PALLD: variants seen among roughly 807,000 people sequenced by gnomAD.
PALLD encodes palladin.
Under a neutral mutation model 123.5 loss-of-function variants are expected in PALLD, and 61 were observed. The observed-to-expected ratio is 0.49, with a 90% CI of 0.40 to 0.61. The LOEUF (loss-of-function observed/expected upper bound fraction) is 0.61, where lower values mean the gene tolerates loss of function less well. PALLD is among the 20% of genes least tolerant of loss of function. PALLD has a pLI of 0.00. For missense variants in PALLD, 1,273 were observed against 1,377.0 expected (o/e 0.92, Z 1.20); for synonymous variants, 465 against 496.4 (o/e 0.94, Z 0.84).
chr4:168,921,043 G>T (rs976892912), intron 17 of PALLD, among the ~76,000 whole-genome samples: 24 of 152,062 alleles, frequency 1.6e-4, no homozygotes, highest in African/African-American at 5.8e-4. Context: ...ATGTAAGCTG[G>T]TGAGTGCTCA....
At position 168,741,873 on chromosome 4, in the gene PALLD, C is replaced by T. The variant is rs534091814; in HGVS notation, c.1964+29950C>T. Among the ~76,000 whole-genome samples the T allele has an allele frequency of 2.5e-4, 38 of 152,182 alleles. No individual in the cohort carries two copies. The South Asian group carries it at 6.0e-3, about 24-fold the overall frequency. On this transcript the variant is annotated intron_variant, in intron 10 of 21. Coordinates refer to ENST00000505667, the MANE Select transcript of PALLD (RefSeq NM_001166108.2). ...GAAACATTTTGGAGAGGTGGGAGAGCGAAGGAACCAGTCTTCATTGACAGC... is the reference window on the plus strand; with the variant it reads ...GAAACATTTTGGAGAGGTGGGAGAGTGAAGGAACCAGTCTTCATTGACAGC...
intron 10 of PALLD, among the ~76,000 whole-genome samples, chr4:168,860,007 A>G (rs1249517787): frequency 6.6e-6 from 1 of 152,212 alleles, no homozygotes; most frequent in African/African-American, 2.4e-5. Context: ...ACACGTCTCA[A>G]TTCTGACTAA....
chr4:168,814,824 G>A (rs999967536), intron 10 of PALLD, among the ~76,000 whole-genome samples: 1 of 152,204 alleles, frequency 6.6e-6, no homozygotes, highest in Non-Finnish European at 1.5e-5. Context: ...AGGCTGTAGT[G>A]CAGTGACGCG....
intron 2 of PALLD, among the ~76,000 whole-genome samples, chr4:168,542,717 CATATAT>C (rs70961531): frequency 7.3e-4 from 65 of 88,904 alleles, no homozygotes; most frequent in African/African-American, 1.3e-3. Context: ...CTAACCTTTC[CATATAT>C]ATATATATAT....
rs114607824 is a variant in PALLD, at chr4:168,582,801, T to A, written c.908+70389T>A. On this transcript the variant is annotated intron_variant, in intron 2 of 21. Transcript: ENST00000505667. ...ACTTGATCCTGATGTATGATCCTTTTAATATGCTATGAATTTGGTTTGCTG... is the reference window on the plus strand; with the variant it reads ...ACTTGATCCTGATGTATGATCCTTTAAATATGCTATGAATTTGGTTTGCTG... Among the ~76,000 whole-genome samples the A allele has an allele frequency of 7.1e-3, 1,080 of 152,328 alleles. 14 individuals are homozygous for A. The highest frequency in any genetic ancestry group is 0.024 in the African/African-American group (1,002 of 41,568).
intron 10 of PALLD, among the ~76,000 whole-genome samples, chr4:168,738,258 A>G (rs1329424545): frequency 2.0e-5 from 3 of 152,034 alleles, no homozygotes; most frequent in Non-Finnish European, 4.4e-5. Context: ...TGGCTTGATC[A>G]TGGATTGGGT....
chr4:168,646,864 T>A (rs530287418), intron 2 of PALLD, among the ~76,000 whole-genome samples: 7 of 152,352 alleles, frequency 4.6e-5, no homozygotes, highest in African/African-American at 1.7e-4. Context: ...TTTATACTTT[T>A]CTGGTAACAA....
In PALLD at chr4:168,927,676, G is replaced by A. The variant is rs1038462024; in HGVS notation, c.*1496G>A. On this transcript the variant is annotated 3_prime_UTR_variant, in exon 22 of 22. Coordinates refer to ENST00000505667, the MANE Select transcript of PALLD (RefSeq NM_001166108.2). ...TGCCATGAAACTTTGCCTTAAGAAG[G>A]TGCTGGATTCCAAGGTTTGTAAAGG... 8.8e-6 allele frequency: 2 copies of A among 226,020 alleles called. No individual in the cohort carries two copies. Among genetic ancestry groups the A allele is most frequent in the Admixed American group, 5.7e-5 (1 of 17,552 alleles). 14.0% of individuals were successfully genotyped at this position (226,020 alleles called of 1,614,324 possible). A position where few individuals can be genotyped will look rare whatever the true frequency, so the allele number is the denominator to read the frequency against.
At chr4:168,600,106 CAT>C (rs200601454) in intron 2 of PALLD, among the ~76,000 whole-genome samples, 34 of 149,526 alleles carry the variant, frequency 2.3e-4, no homozygotes, top group South Asian at 8.3e-4. Context: ...TGTATGCACA[CAT>C]ATATATACAT....
intron 10 of PALLD, among the ~76,000 whole-genome samples, chr4:168,716,712 T>G (rs1333474634): frequency 6.6e-6 from 1 of 152,210 alleles, no homozygotes; most frequent in African/African-American, 2.4e-5. Context: ...GCTAACAAAG[T>G]AAAGTACATC....
At chr4:168,832,101 A>T (rs1351995900) in intron 10 of PALLD, 1 of 985,064 alleles carries the variant, frequency 1.0e-6, no homozygotes, top group East Asian at 1.1e-4. Context: ...CGGTCCGCGG[A>T]GCCCGCTGCA....
intron 10 of PALLD, among the ~76,000 whole-genome samples, chr4:168,739,181 G>C (rs1788078220): frequency 6.6e-6 from 1 of 152,150 alleles, no homozygotes; most frequent in Non-Finnish European, 1.5e-5. Context: ...CCATTGATGA[G>C]CATTTAGGTT....
intron 10 of PALLD, among the ~76,000 whole-genome samples, chr4:168,782,740 C>A (rs1408107964): frequency 6.7e-6 from 1 of 150,234 alleles, no homozygotes; most frequent in African/African-American, 2.5e-5. Flanking sequence ...GAAATCCTGT[C>A]TTTACTAAAA....
intron 9 of PALLD, among the ~76,000 whole-genome samples, chr4:168,709,852 T>A (rs1264789341): frequency 6.6e-6 from 1 of 152,048 alleles, no homozygotes; most frequent in Non-Finnish European, 1.5e-5. Flanking sequence ...TTTAAAATCG[T>A]GCAGTCTTGG....
At position 168,523,692 on chromosome 4, in the gene PALLD, C is replaced by G. The variant is rs558669900; in HGVS notation, c.908+11280C>G. Among the ~76,000 whole-genome samples the G allele has an allele frequency of 2.2e-3, 340 of 152,188 alleles. 1 individual carries two copies. Among genetic ancestry groups the G allele is most frequent in the Non-Finnish European group, 4.2e-3 (283 of 68,002 alleles). On this transcript the variant is annotated intron_variant, in intron 2 of 21. Coordinates refer to ENST00000505667, the MANE Select transcript of PALLD (RefSeq NM_001166108.2). ...ACTCCAGTCCAGGGGCCTTGTTATCCCCTAATGAGGAGGTCTTGAAAGTTA... is the reference window on the plus strand; with the variant it reads ...ACTCCAGTCCAGGGGCCTTGTTATCGCCTAATGAGGAGGTCTTGAAAGTTA...
Position 168,922,098 on chromosome 4 carries a change from T to TAC in PALLD, c.3058+358_3058+359insCA, listed in dbSNP as rs1351389289. On this transcript the variant is annotated intron_variant, in intron 18 of 21. Coordinates refer to ENST00000505667, the MANE Select transcript of PALLD (RefSeq NM_001166108.2). ...AAAGTTTTATATTTATATATATATA[T>TAC]ATATACACACACACACACACACACA... is the stretch of plus-strand genomic sequence containing the variant. Among the ~76,000 whole-genome samples the TAC allele has an allele frequency of 3.5e-3, 378 of 107,622 alleles. 1 individual carries two copies. The highest frequency in any genetic ancestry group is 9.7e-3 in the African/African-American group (309 of 31,956). 70.6% of individuals were successfully genotyped at this position (107,622 alleles called of 152,430 possible).
intron 2 of PALLD, among the ~76,000 whole-genome samples, chr4:168,529,047 A>G (rs992812666): frequency 1.4e-4 from 21 of 152,324 alleles, no homozygotes; most frequent in African/African-American, 4.8e-4. Flanking sequence ...TAGGTGTGCC[A>G]TTAAGAATTA....
intron 2 of PALLD, among the ~76,000 whole-genome samples, chr4:168,577,307 C>T (rs62335497): frequency 0.1 from 15,242 of 152,076 alleles, 919 homozygotes; most frequent in South Asian, 0.18. Flanking sequence ...CTAAGTTAGG[C>T]TTTTCAGTCT....
intron 10 of PALLD, among the ~76,000 whole-genome samples, chr4:168,848,256 C>A (rs1439848200): frequency 4.0e-5 from 6 of 151,630 alleles, no homozygotes; most frequent in African/African-American, 1.5e-4. Context: ...TGGGAGCCAG[C>A]CACTTTGTTT....
Sources: allele counts gnomAD v4.1 joint callset (sites outside exome capture counted in the v4.1 genomes callset), GRCh38; gene constraint gnomAD v4.1.1; transcripts MANE v1.5; gene names NCBI Gene and HGNC (gene_info 2026-07-23, HGNC 2026-07-21).